DFFB: variants seen among roughly 807,000 people sequenced by gnomAD.
DFFB encodes the protein DNA fragmentation factor 40 kDa subunit.
In DFFB, 29 loss-of-function variants were observed where a neutral mutation model predicts 32.7. The observed-to-expected ratio is 0.89, with a 90% CI of 0.66 to 1.21. The LOEUF (loss-of-function observed/expected upper bound fraction) is 1.21, where lower values mean the gene tolerates loss of function less well. Among genes scored for constraint, DFFB ranks in the 50% most tolerant of loss-of-function variants. DFFB has a pLI of 0.00. For missense variants in DFFB, 398 were observed against 440.6 expected (o/e 0.90, Z 0.87); for synonymous variants, 170 against 177.1 (o/e 0.96, Z 0.32).
chr1:3,884,022 T>C lies in DFFB; in HGVS notation c.*281T>C, dbSNP rs1451462155. ...GCTCAGCCTCCCGAGTAGCTGGGAT[T>C]ACAGGCATGTGCCACCACGCCCGGC... On this transcript the variant is annotated 3_prime_UTR_variant, in exon 7 of 7. Coordinates refer to ENST00000378209, the MANE Select transcript of DFFB (RefSeq NM_004402.4). The C allele has an allele frequency of 7.5e-6, 3 of 402,094 alleles. No individual in the cohort carries two copies. The highest frequency in any genetic ancestry group is 1.4e-5 in the Non-Finnish European group (3 of 218,844). 24.9% of individuals were successfully genotyped at this position (402,094 alleles called of 1,614,324 possible). A position where few individuals can be genotyped will look rare whatever the true frequency, so the allele number is the denominator to read the frequency against.
At chr1:3,866,150 C>T (rs1644975980) in intron 3 of DFFB, 150 bp downstream of exon 3, 7 of 723,038 alleles carry the variant, frequency 9.7e-6, no homozygotes, top group South Asian at 3.4e-5. Context: ...GCTCATTTCC[C>T]AGCATTTCCC....
Position 3,883,601 on chromosome 1 carries a change from C to CT in DFFB, c.882dup (p.Thr295TyrfsTer14), listed in dbSNP as rs746063457. On this transcript the variant is annotated frameshift_variant, in exon 7 of 7. Transcript: ENST00000378209. LOFTEE classifies it low-confidence loss of function (END_TRUNC). ...GGACTGGGAGTATTTTTATGGCCTG[C>CT]TTTTTACCTCAGAGAACCTAAAACT... 1 of 1,614,138 alleles carries CT rather than the reference C, an allele frequency of 6.2e-7. No homozygotes were observed. Among genetic ancestry groups the CT allele is most frequent in the South Asian group, 1.1e-5 (1 of 91,086 alleles).
At chr1:3,870,817 C>T (rs1645097913) in intron 5 of DFFB, among the ~76,000 whole-genome samples, 1 of 151,614 alleles carries the variant, frequency 6.6e-6, no homozygotes, top group Non-Finnish European at 1.5e-5. Flanking sequence ...GTGCTCCGGG[C>T]ATGGCAGTGG....
In DFFB at chr1:3,866,508, G is replaced by C. The variant is rs189002371; in HGVS notation, c.430+508G>C. On this transcript the variant is annotated intron_variant, in intron 3 of 6. Transcript: ENST00000378209. ...TGATCTCAGCCTCCCAAAGTGCTAG[G>C]ATTACAGGCGGGAGCCACCCCGCCT... 1.2e-4 allele frequency: 23 copies of C among 184,680 alleles called. No homozygotes were observed. The East Asian group carries it at 2.0e-3, about 16-fold the overall frequency. 11.4% of individuals were successfully genotyped at this position (184,680 alleles called of 1,614,324 possible).
chr1:3,869,283 A>ACTC (rs573267440), intron 4 of DFFB, among the ~76,000 whole-genome samples: 1 of 151,980 alleles, frequency 6.6e-6, no homozygotes, highest in Non-Finnish European at 1.5e-5. Context: ...CTGGTCTCAA[A>ACTC]CTCCTGACCT....
At position 3,872,490 on chromosome 1, in the gene DFFB, A is replaced by G. The variant is rs754718547; in HGVS notation, c.700A>G (p.Ser234Gly). 1 of 1,613,786 alleles carries G rather than the reference A, an allele frequency of 6.2e-7. No homozygotes were observed. Among genetic ancestry groups the G allele is most frequent in the South Asian group, 1.1e-5 (1 of 91,064 alleles). The change falls in exon 6 of 7, where the codon AGC becomes GGC. Residue 234 changes from serine (S) to glycine (G), a missense_variant. Coordinates refer to ENST00000378209, the MANE Select transcript of DFFB (RefSeq NM_004402.4). Reference sequence around the variant, plus strand: ...CCCCCAGGGTCCCTTTGACATGGACAGCTGCTTATCAAGACACTCCATCAA... The same window carrying G: ...CCCCCAGGGTCCCTTTGACATGGACGGCTGCTTATCAAGACACTCCATCAA... ...FSCQGPFDMD[S>G]CLSRHSINPY...
intron 6 of DFFB, among the ~76,000 whole-genome samples, chr1:3,880,036 GTC>G (rs1274777289): frequency 6.6e-6 from 1 of 152,264 alleles, no homozygotes; most frequent in East Asian, 1.9e-4. Context: ...TGGTAGGAGT[GTC>G]TTTGTTCACC....
chr1:3,861,541 A>G (rs1479399502), intron 2 of DFFB, among the ~76,000 whole-genome samples: 1 of 151,838 alleles, frequency 6.6e-6, no homozygotes, highest in Non-Finnish European at 1.5e-5. Context: ...CGATCCTCCT[A>G]CCTCCGCCCC....
At chr1:3,869,814 G>A in intron 5 of DFFB, 39 bp downstream of exon 5, 1 of 1,552,054 alleles carries the variant, frequency 6.4e-7, no homozygotes, top group South Asian at 1.2e-5. Context: ...CACCCGGCTG[G>A]CCTGTGGAAC....
At chr1:3,871,446 C>G (rs1267948597) in intron 5 of DFFB, among the ~76,000 whole-genome samples, 1 of 152,082 alleles carries the variant, frequency 6.6e-6, no homozygotes, top group African/African-American at 2.4e-5. Flanking sequence ...GCCACCATGC[C>G]CGGCTAATTT....
chr1:3,874,361 A>G (rs1433353710), intron 6 of DFFB, among the ~76,000 whole-genome samples: 1 of 35,720 alleles, frequency 2.8e-5, no homozygotes, highest in Non-Finnish European at 5.7e-5. Context: ...AGAGCCGTGT[A>G]GCTGCACCTT....
intron 6 of DFFB, chr1:3,873,014 A>T (rs1426105139): frequency 3.1e-6 from 4 of 1,270,928 alleles, no homozygotes; most frequent in Non-Finnish European, 4.1e-6. Context: ...TTTCTTTTAG[A>T]GATGGAGTCT....
chr1:3,864,513 A>G (rs930856705), intron 2 of DFFB, among the ~76,000 whole-genome samples: 2 of 152,038 alleles, frequency 1.3e-5, no homozygotes, highest in African/African-American at 4.8e-5. Context: ...ATGGCTAACA[A>G]TGCTGACTAT....
intron 2 of DFFB, chr1:3,860,524 T>C (rs1225477221): frequency 5.1e-6 from 2 of 394,808 alleles, no homozygotes; most frequent in Non-Finnish European, 1.1e-5. Context: ...CCACTGTGCC[T>C]GGCCTAAACC....
intron 6 of DFFB, among the ~76,000 whole-genome samples, chr1:3,876,442 T>C: frequency 6.6e-6 from 1 of 152,226 alleles, no homozygotes; most frequent in Non-Finnish European, 1.5e-5. Flanking sequence ...TAAATATGTA[T>C]ACTCACACAC....
chr1:3,863,294 T>C (rs1337445715), intron 2 of DFFB, among the ~76,000 whole-genome samples: 1 of 152,114 alleles, frequency 6.6e-6, no homozygotes, highest in African/African-American at 2.4e-5. Context: ...GTGCTTGAGA[T>C]CATCAGTCGT....
chr1:3,883,432 T>C lies in DFFB; in HGVS notation c.783-75T>C, dbSNP rs1227073851. ...AGGGGAATTTGTGAAGAGCTGTGAC[T>C]GCAATACACTGCTATGACCTGTTGC... On this transcript the variant is annotated intron_variant, in intron 6 of 6. Transcript: ENST00000378209. 11 of 1,363,362 alleles carry C rather than the reference T, an allele frequency of 8.1e-6. No individual in the cohort carries two copies. In the East Asian group the frequency reaches 1.4e-4, roughly 17 times the overall value. The allele number at this position is 1,363,362 out of a possible 1,614,324, so 84.5% of individuals were successfully genotyped here. A position where few individuals can be genotyped will look rare whatever the true frequency, so the allele number is the denominator to read the frequency against.
Position 3,865,742 on chromosome 1 carries a change from T to C in DFFB, c.242-70T>C. The C allele has an allele frequency of 1.2e-6, 2 of 1,612,134 alleles. No homozygotes were observed. ...AATGGGGGAAGATGTGGTCAGAGGC[T>C]CTTCTTGTGACCGGGGCAGGATGTG... On this transcript the variant is annotated intron_variant, in intron 2 of 6. Transcript: ENST00000378209. The surrounding 1 kb of genome is among the most constrained non-coding windows in gnomAD (Gnocchi z 4.7).
chr1:3,864,840 C>T (rs1410581256), intron 2 of DFFB, among the ~76,000 whole-genome samples: 2 of 152,114 alleles, frequency 1.3e-5, no homozygotes, highest in East Asian at 1.9e-4. Context: ...TGAGCCACCG[C>T]GCCCAGCCCT....
Sources: gnomAD v4.1 joint callset for allele counts (sites outside exome capture counted in the v4.1 genomes callset) on GRCh38, gnomAD v4.1.1 for gene constraint, Gnocchi (gnomAD v3.1) non-coding constraint, MANE v1.5 for transcripts, NCBI Gene and HGNC (gene_info 2026-07-23, HGNC 2026-07-21) for gene names.